HDAC10: variants seen among roughly 807,000 people sequenced by gnomAD.
The protein encoded by HDAC10 is polyamine deacetylase HDAC10.
Under a neutral mutation model 82.3 loss-of-function variants are expected in HDAC10, and 90 were observed. That is an observed-to-expected ratio of 1.09 (90% CI 0.92 to 1.30). The LOEUF is 1.30. HDAC10 is among the 50% of genes most tolerant of loss of function. The pLI is 0.00. For synonymous variants in HDAC10, 456 were observed against 391.7 expected (o/e 1.16, Z -1.94); for missense variants, 934 against 876.3 (o/e 1.07, Z -0.83).
Position 50,246,289 on chromosome 22 carries a change from G to A in HDAC10, c.1650+9C>T. 1 of 1,611,144 alleles carries A rather than the reference G, an allele frequency of 6.2e-7. No individual in the cohort carries two copies. Among genetic ancestry groups the A allele is most frequent in the Non-Finnish European group, 8.5e-7 (1 of 1,178,306 alleles). ...AGCACCTGCCTTGCCGCGTGGCATG[G>A]TCACTCACCACTGGCAGTGGCGTGG... On this transcript the variant is annotated intron_variant, in intron 17 of 19. Coordinates refer to ENST00000216271, the MANE Select transcript of HDAC10 (RefSeq NM_032019.6).
rs73435285 is a variant in HDAC10, at chr22:50,250,352, G to A, written c.291+75C>T. ...GGACCAGGGGACACTGGCTGGGGTTGGCGGCCGTGGCTGTGAACGCTCAAA... is the reference window on the plus strand; with the variant it reads ...GGACCAGGGGACACTGGCTGGGGTTAGCGGCCGTGGCTGTGAACGCTCAAA... On this transcript the variant is annotated intron_variant, in intron 3 of 19. Coordinates refer to ENST00000216271, the MANE Select transcript of HDAC10 (RefSeq NM_032019.6). 2,083 of 1,408,400 alleles carry A rather than the reference G, an allele frequency of 1.5e-3. 37 individuals are homozygous for A. In the African/African-American group the frequency reaches 0.026, roughly 18 times the overall value. 87.2% of individuals were successfully genotyped at this position (1,408,400 alleles called of 1,614,324 possible).
chr22:50,246,875 C>A lies in HDAC10; in HGVS notation c.1514G>T (p.Arg505Met), dbSNP rs760392704. 1.9e-6 allele frequency: 3 copies of A among 1,611,448 alleles called. No individual in the cohort carries two copies. Among genetic ancestry groups the A allele is most frequent in the Non-Finnish European group, 2.5e-6 (3 of 1,178,670 alleles). The change falls in exon 15 of 20, where the codon AGG becomes ATG. Residue 505 changes from arginine (R) to methionine (M), a missense_variant and splice_region_variant. By Grantham distance (91) the Arg-to-Met change is moderately conservative (BLOSUM62 -1). Coordinates refer to ENST00000216271, the MANE Select transcript of HDAC10 (RefSeq NM_032019.6). ...CTCAGGATGGCCAAGTGAGGCTTAC[C>A]TCTGGGCTCCGTGGGACAGGCCTCT... ...VRRGLSHGAQRLLCVALGQLD... is the reference protein window; with the variant it reads ...VRRGLSHGAQMLLCVALGQLD...
At position 50,249,473 on chromosome 22, in the gene HDAC10, G is replaced by A. The variant is rs1202329212; in HGVS notation, c.564-19C>T. On this transcript the variant is annotated intron_variant, in intron 6 of 19. Coordinates refer to ENST00000216271, the MANE Select transcript of HDAC10 (RefSeq NM_032019.6). The surrounding 1 kb of genome is among the most constrained non-coding windows in gnomAD (Gnocchi z 4.4). ...AAGGACGCTGCCAACAGCCAGCCAGGGCCAGAGGTCAAAGGTCAGGACCCT... is the reference window on the plus strand; with the variant it reads ...AAGGACGCTGCCAACAGCCAGCCAGAGCCAGAGGTCAAAGGTCAGGACCCT... The A allele has an allele frequency of 2.3e-5, 37 of 1,612,276 alleles. No individual in the cohort carries two copies. Among genetic ancestry groups the A allele is most frequent in the Non-Finnish European group, 3.1e-5 (37 of 1,179,784 alleles).
chr22:50,246,946 G>A lies in HDAC10; in HGVS notation c.1443C>T (p.Ala481=), dbSNP rs758957529. The A allele has an allele frequency of 5.0e-6, 8 of 1,609,928 alleles. No homozygotes were observed. In the Admixed American group the frequency reaches 8.4e-5, roughly 17 times the overall value. ...TGGCTGCTGCAGCAGAGGCTGGAGT[G>A]GCTGCTATACCACTGTTCACCTGTG... ...LDGQVNSGIA[A]TPASAAAATL... Residue 481 remains alanine (A), a synonymous_variant, in exon 15 of 20, where the codon GCC becomes GCT. Coordinates refer to ENST00000216271, the MANE Select transcript of HDAC10 (RefSeq NM_032019.6).
Position 50,247,946 on chromosome 22 carries a change from A to G in HDAC10, c.1281T>C (p.Pro427=). Residue 427 remains proline, a synonymous_variant, in exon 13 of 20, where the codon CCT becomes CCC. Transcript: ENST00000216271. ...CTGACGCTTCCTGTTGGATGACGTC[A>G]GGGGGCAGAACCAATGTGATATCCG... ...TTPDITLVLP[P]DVIQQEASAL... The G allele has an allele frequency of 6.2e-7, 1 of 1,612,798 alleles. No homozygotes were observed.
intron 2 of HDAC10, 33 bp downstream of exon 2, chr22:50,250,738 G>A (rs1250088194): frequency 1.3e-5 from 20 of 1,533,422 alleles, no homozygotes; most frequent in East Asian, 2.4e-5. Context: ...TGCCCGCCCC[G>A]CCCCCCATCG....
Position 50,247,757 on chromosome 22 carries a change from G to C in HDAC10, c.1357C>G (p.Arg453Gly), listed in dbSNP as rs368996529. The C allele has an allele frequency of 4.4e-6, 7 of 1,608,078 alleles. No homozygotes were observed. The African/African-American group carries it at 8.0e-5, about 18-fold the overall frequency. The change falls in exon 14 of 20, where the codon CGG (arginine) becomes GGG (glycine). Residue 453 changes from arginine (R) to glycine (G), a missense_variant. By Grantham distance (125) the Arg-to-Gly change is moderately radical. Transcript: ENST00000216271. ...AWARPHESLA[R>G]EEALTALGKL... ...CCAAGTGCAGTGAGGGCCTCCTCCC[G>C]GGCCAGGGACTCGTGTGGCCTGTGG...
Position 50,249,213 on chromosome 22 carries a change from A to T in HDAC10, c.691-45T>A. 2.2e-5 allele frequency: 6 copies of T among 273,024 alleles called. No homozygotes were observed. The highest frequency in any genetic ancestry group is 3.0e-5 in the Non-Finnish European group (5 of 165,348). 16.9% of individuals were successfully genotyped at this position (273,024 alleles called of 1,614,324 possible). A position where few individuals can be genotyped will look rare whatever the true frequency, so the allele number is the denominator to read the frequency against. ...TACATCCTGAACTGTGGGGCAGGGGAGGGGCCCGGGGGAGGGGGTGGGTGG... is the reference window on the plus strand; with the variant it reads ...TACATCCTGAACTGTGGGGCAGGGGTGGGGCCCGGGGGAGGGGGTGGGTGG... On this transcript the variant is annotated intron_variant, in intron 7 of 19. Transcript: ENST00000216271. The surrounding 1 kb of genome is among the most constrained non-coding windows in gnomAD (Gnocchi z 4.4).
intron 14 of HDAC10, chr22:50,247,387 C>T (rs2064980086): frequency 2.9e-6 from 1 of 344,044 alleles, no homozygotes; most frequent in East Asian, 4.8e-5. Context: ...CCCACCTTGG[C>T]CCCCCAAACT....
In HDAC10 at chr22:50,247,795, A is replaced by G. The variant is rs754068620; in HGVS notation, c.1338-19T>C. 1.4e-5 allele frequency: 23 copies of G among 1,612,660 alleles called. No individual in the cohort carries two copies. The South Asian group carries it at 2.4e-4, about 17-fold the overall frequency. On this transcript the variant is annotated intron_variant, in intron 13 of 19. Transcript: ENST00000216271. ...GTGTGGCCTGTGGTGGACAGACCAG[A>G]GGGACACACAGACACGGAGTGACCG...
chr22:50,248,954 C>T lies in HDAC10; in HGVS notation c.757-64G>A. On this transcript the variant is annotated intron_variant, in intron 8 of 19. Coordinates refer to ENST00000216271, the MANE Select transcript of HDAC10 (RefSeq NM_032019.6). This position sits in a 1 kb window ranked among gnomAD's most constrained non-coding sequence, Gnocchi z 5.4. ...GGGCTGGAGCCCAGGTGAGGGCGAG[C>T]CAGGCCCATCCCATCCCCTCCTGAG... 2 of 1,537,934 alleles carry T rather than the reference C, an allele frequency of 1.3e-6. No homozygotes were observed. Among genetic ancestry groups the T allele is most frequent in the African/African-American group, 1.4e-5 (1 of 73,518 alleles).
rs1314631349 is a variant in HDAC10 at position 50,246,715 on chromosome 22, C to T, written c.1535G>A (p.Gly512Glu). Residue 512 changes from glycine (G) to glutamate (E), a missense_variant, in exon 16 of 20, where the codon GGA (glycine) becomes GAA (glutamate). Gly to Glu is a moderately conservative substitution (Grantham distance 98). Coordinates refer to ENST00000216271, the MANE Select transcript of HDAC10 (RefSeq NM_032019.6). ...GAQRLLCVAL[G>E]QLDRPPDLAH... ...GAGGTCTGGAGGCCGGTCCAGCTGTCCCAGGGCCACGCACAGCAGCCTGGA... is the reference window on the plus strand; with the variant it reads ...GAGGTCTGGAGGCCGGTCCAGCTGTTCCAGGGCCACGCACAGCAGCCTGGA... The T allele has an allele frequency of 1.2e-6, 2 of 1,612,048 alleles. No homozygotes were observed. The highest frequency in any genetic ancestry group is 1.7e-6 in the Non-Finnish European group (2 of 1,179,950).
chr22:50,246,279 G>A lies in HDAC10; in HGVS notation c.1650+19C>T, dbSNP rs2294404. On this transcript the variant is annotated intron_variant, in intron 17 of 19. Transcript: ENST00000216271. ...TGGGCTCCCCAGCACCTGCCTTGCC[G>A]CGTGGCATGGTCACTCACCACTGGC... 247,968 of 1,606,292 alleles carry A rather than the reference G, an allele frequency of 0.15. 20,349 individuals carry two copies. Among genetic ancestry groups the A allele is most frequent in the East Asian group, 0.26 (11,671 of 44,824 alleles).
intron 3 of HDAC10, 88 bp downstream of exon 3, chr22:50,250,339 A>G (rs2065056944): frequency 2.3e-6 from 3 of 1,332,850 alleles, no homozygotes; most frequent in African/African-American, 1.4e-5. Flanking sequence ...ACCAGGGGAC[A>G]CTGGCTGGGG....
Position 50,245,250 on chromosome 22 carries a change from G to T in HDAC10, c.*257C>A. On this transcript the variant is annotated 3_prime_UTR_variant, in exon 20 of 20. Transcript: ENST00000216271. ...CGAAGCGCAGCGGGGCGCAGGGGCC[G>T]GAACGGGACCGAGCGTGGGTTGCAT... is the stretch of plus-strand genomic sequence containing the variant. 1.7e-6 allele frequency: 1 copy of T among 579,268 alleles called. No homozygotes were observed. 35.9% of individuals were successfully genotyped at this position (579,268 alleles called of 1,614,324 possible).
chr22:50,246,795 C>G (rs376098458), intron 15 of HDAC10, 60 bp from the exon 16 acceptor site: 1 of 1,603,416 alleles, frequency 6.2e-7, no homozygotes, highest in Non-Finnish European at 8.5e-7. Flanking sequence ...ATTCCCAGAA[C>G]TCTCTGTGCT....
chr22:50,251,005 C>T lies in HDAC10; in HGVS notation c.28G>A (p.Asp10Asn), dbSNP rs1224387642. MGTALVYHE[D>N]MTATRLLWDD... ...CAGAGCAGCCGGGTGGCCGTCATGT[C>T]CTCATGGTACACAAGCGCGGTCCCC... Residue 10 changes from aspartate (D) to asparagine (N), a missense_variant, in exon 1 of 20, where the codon GAC becomes AAC. Physicochemically the swap from Asp to Asn is conservative, Grantham distance 23 (BLOSUM62 1). Transcript: ENST00000216271. 1.2e-6 allele frequency: 2 copies of T among 1,612,564 alleles called. No homozygotes were observed. The highest frequency in any genetic ancestry group is 1.7e-6 in the Non-Finnish European group (2 of 1,179,722).
At chr22:50,246,788 C>A in intron 15 of HDAC10, 53 bp from the exon 16 acceptor site, 2 of 1,603,652 alleles carry the variant, frequency 1.2e-6, no homozygotes, top group Non-Finnish European at 1.7e-6. Context: ...AGAGTCCATT[C>A]CCAGAACTCT....
rs2065014211 is a variant in HDAC10, at chr22:50,248,692, CA to C, written c.875del (p.Leu292ArgfsTer25). 6.5e-7 allele frequency: 1 copy of C among 1,541,026 alleles called. No homozygotes were observed. The highest frequency in any genetic ancestry group is 8.8e-7 in the Non-Finnish European group (1 of 1,141,628). On this transcript the variant is annotated frameshift_variant, in exon 10 of 20. Coordinates refer to ENST00000216271, the MANE Select transcript of HDAC10 (RefSeq NM_032019.6). LOFTEE classifies it high-confidence loss of function. The surrounding 1 kb of genome is among the most constrained non-coding windows in gnomAD (Gnocchi z 5.4). ...GCACGGCACAGACCCGGCCGCCGGC[CA>C]GCACCTGCAGCAGCTGTGTGAGGTG... ...FAHLTQLLQVLAGGRVCAVLE... is the reference protein window; with the variant it reads ...FAHLTQLLQVXAGGRVCAVLE...
Sources: gnomAD v4.1 joint callset for allele counts on GRCh38, gnomAD v4.1.1 for gene constraint, Gnocchi (gnomAD v3.1) non-coding constraint, MANE v1.5 for transcripts, NCBI Gene and HGNC (gene_info 2026-07-23, HGNC 2026-07-21) for gene names.